The following CDH10 variants were observed in gnomAD, a reference collection of about 807,000 sequenced individuals.
CDH10 encodes cadherin-10.
CDH10 carries 30 observed loss-of-function variants against 73.1 expected under a neutral mutation model. The ratio of observed to expected loss-of-function variants is 0.41; its 90% CI spans 0.31 to 0.56. The LOEUF (loss-of-function observed/expected upper bound fraction) is 0.56. Ranked by LOEUF, CDH10 falls within the 20% of genes least tolerant of loss-of-function variation. CDH10 has a pLI of 0.27. For missense variants in CDH10, 815 were observed against 973.7 expected (o/e 0.84, Z 2.17); for synonymous variants, 345 against 348.2 (o/e 0.99, Z 0.10).
intron 1 of CDH10, among the ~76,000 whole-genome samples, chr5:24,623,496 A>G (rs1196229079): frequency 6.6e-6 from 1 of 152,202 alleles, no homozygotes; most frequent in African/African-American, 2.4e-5. Flanking sequence ...AATAATTTAA[A>G]CAATCAGAGA....
intron 1 of CDH10, among the ~76,000 whole-genome samples, chr5:24,635,405 C>G (rs960916732): frequency 4.6e-5 from 7 of 151,952 alleles, no homozygotes; most frequent in African/African-American, 1.7e-4. Context: ...ATGGACCTCA[C>G]AACAGTTAGT....
chr5:24,524,981 G>T (rs17518542), intron 5 of CDH10, among the ~76,000 whole-genome samples: 38,837 of 151,810 alleles, frequency 0.26, 5,435 homozygotes, highest in Admixed American at 0.3. Flanking sequence ...TAGGACCTTT[G>T]CACTTGAATA....
chr5:24,603,004 CT>C (rs938342449), intron 1 of CDH10, among the ~76,000 whole-genome samples: 16 of 152,100 alleles, frequency 1.1e-4, no homozygotes, highest in African/African-American at 3.9e-4. Context: ...ATTTTAATAA[CT>C]TATCTTGGGA....
At chr5:24,556,615 A>T (rs559976514) in intron 2 of CDH10, among the ~76,000 whole-genome samples, 1 of 151,858 alleles carries the variant, frequency 6.6e-6, no homozygotes, top group East Asian at 1.9e-4. Flanking sequence ...ATACCCTAAA[A>T]GTGTTACTAC....
intron 8 of CDH10, among the ~76,000 whole-genome samples, 176 bp from the exon 9 acceptor site, chr5:24,498,695 C>A (rs1742381116): frequency 6.6e-6 from 1 of 152,016 alleles, no homozygotes; most frequent in African/African-American, 2.4e-5. Flanking sequence ...ATTAAGTAGT[C>A]ATGAATTCAG....
At chr5:24,513,603 T>A (rs912693966) in intron 5 of CDH10, among the ~76,000 whole-genome samples, 1 of 152,198 alleles carries the variant, frequency 6.6e-6, no homozygotes. Context: ...TACAGGCATA[T>A]ACATACGCTA....
chr5:24,512,524 CT>C (rs35874597), intron 5 of CDH10, among the ~76,000 whole-genome samples: 72,637 of 151,952 alleles, frequency 0.48, 17,470 homozygotes, highest in East Asian at 0.58. Context: ...AATCCTATTT[CT>C]TACTTGTGAC....
chr5:24,545,623 T>C (rs1026707074), intron 2 of CDH10, among the ~76,000 whole-genome samples: 1 of 151,996 alleles, frequency 6.6e-6, no homozygotes, highest in Admixed American at 6.6e-5. Flanking sequence ...AAGACCAGTC[T>C]AGGCAACACA....
chr5:24,582,956 T>C lies in CDH10; in HGVS notation c.231+10304A>G, dbSNP rs546795145. Among the ~76,000 whole-genome samples the C allele has an allele frequency of 4.6e-5, 7 of 152,138 alleles. No individual in the cohort carries two copies. In the South Asian group the frequency reaches 1.2e-3, roughly 27 times the overall value. On this transcript the variant is annotated intron_variant, in intron 2 of 11. Transcript: ENST00000264463. ...GTAATATAAAATCCCTATCAAAGTTTAAAACTTTTCAAGACTATGCTTCAG... is the reference window on the plus strand; with the variant it reads ...GTAATATAAAATCCCTATCAAAGTTCAAAACTTTTCAAGACTATGCTTCAG...
chr5:24,579,108 T>C (rs1464681887), intron 2 of CDH10, among the ~76,000 whole-genome samples: 2 of 151,938 alleles, frequency 1.3e-5, no homozygotes, highest in African/African-American at 2.4e-5. Context: ...TATAAATATA[T>C]ATGAAAAGAT....
intron 2 of CDH10, among the ~76,000 whole-genome samples, chr5:24,567,909 T>G (rs1745220757): frequency 6.6e-6 from 1 of 152,134 alleles, no homozygotes; most frequent in Admixed American, 6.5e-5. Flanking sequence ...TTTCCTTTTG[T>G]CAGCAGTGTT....
chr5:24,590,553 T>C (rs1017593027), intron 2 of CDH10, among the ~76,000 whole-genome samples: 4 of 152,022 alleles, frequency 2.6e-5, no homozygotes, highest in African/African-American at 9.7e-5. Flanking sequence ...GACAGTTGTA[T>C]GTTTTCTTAA....
Position 24,487,868 on chromosome 5 carries a change from T to G in CDH10, c.2162A>C (p.His721Pro), listed in dbSNP as rs2111604103. 1 of 1,613,960 alleles carries G rather than the reference T, an allele frequency of 6.2e-7. No homozygotes were observed. ...GGGGGGTGCGGTGGGGTCAAGATCA[T>G]GCTCTTTTAGCCTTTCATTAATGAA... ...RDFINERLKE[H>P]DLDPTAPPYD... Residue 721 changes from histidine to proline, a missense_variant, in exon 12 of 12, where the codon CAT (histidine) becomes CCT (proline). His to Pro is a moderately conservative substitution (Grantham distance 77). Around this residue, in one of 3 missense-constraint regions of CDH10, gnomAD observed 241 missense variants for 240.3 expected, o/e 1.00. Coordinates refer to ENST00000264463, the MANE Select transcript of CDH10 (RefSeq NM_006727.5).
intron 2 of CDH10, chr5:24,553,925 T>C (rs1439049863): frequency 9.4e-6 from 1 of 106,748 alleles, no homozygotes; most frequent in Non-Finnish European, 2.1e-5. Flanking sequence ...TGAGTTACCA[T>C]GGACGCTATC....
intron 1 of CDH10, chr5:24,612,475 A>C (rs1746983387): frequency 6.6e-6 from 1 of 152,216 alleles, no homozygotes; most frequent in South Asian, 2.1e-4. Context: ...TGAATATAGA[A>C]AATGTATTTC....
chr5:24,512,076 A>C (rs994256693), intron 5 of CDH10, among the ~76,000 whole-genome samples: 4 of 152,136 alleles, frequency 2.6e-5, no homozygotes, highest in Non-Finnish European at 4.4e-5. Flanking sequence ...ATATCTGTAC[A>C]ACAAACCCCC....
rs76313554 is a variant in CDH10 at position 24,500,356 on chromosome 5, T to C, written c.1394-1837A>G. ...AGAATCGAAGTGTATTTATCACTTT[T>C]TGCAAGAGAAAATTTAAAATGCATC... On this transcript the variant is annotated intron_variant, in intron 8 of 11. Coordinates refer to ENST00000264463, the MANE Select transcript of CDH10 (RefSeq NM_006727.5). Among the ~76,000 whole-genome samples the C allele has an allele frequency of 0.021, 3,234 of 152,358 alleles. 196 individuals carry two copies. In the East Asian group the frequency reaches 0.23, roughly 11 times the overall value.
At chr5:24,573,533 C>T (rs1413019047) in intron 2 of CDH10, among the ~76,000 whole-genome samples, 1 of 151,712 alleles carries the variant, frequency 6.6e-6, no homozygotes, top group Non-Finnish European at 1.5e-5. Context: ...AACCCCGACT[C>T]TACTAAAAAT....
At chr5:24,580,512 T>C (rs1009685877) in intron 2 of CDH10, among the ~76,000 whole-genome samples, 3 of 152,150 alleles carry the variant, frequency 2.0e-5, no homozygotes, top group African/African-American at 7.2e-5. Context: ...GAGTTACTGG[T>C]TTGTTATACA....
Sources: allele counts gnomAD v4.1 joint callset (sites outside exome capture counted in the v4.1 genomes callset), GRCh38; gene constraint gnomAD v4.1.1; regional missense constraint gnomAD v4.1.1; transcripts MANE v1.5; gene names NCBI Gene and HGNC (gene_info 2026-07-23, HGNC 2026-07-21).